Variants in TXLNG observed in about 807,000 individuals in gnomAD.
TXLNG encodes taxilin gamma, also known as gamma-taxilin.
In TXLNG, 5 loss-of-function variants were observed where a neutral mutation model predicts 38.8. The ratio of observed to expected loss-of-function variants is 0.13; its 90% CI spans 0.07 to 0.27. The LOEUF is 0.27. Among genes scored for constraint, TXLNG ranks in the 10% least tolerant of loss-of-function variants. TXLNG has a pLI of 1.00. For synonymous variants in TXLNG, 182 were observed against 158.2 expected (o/e 1.15, Z -1.13); for missense variants, 393 against 398.2 (o/e 0.99, Z 0.11).
At position 16,843,820 on chromosome X, in the gene TXLNG, T is replaced by C. The variant is rs951060322; in HGVS notation, c.*2054T>C. 1.8e-5 allele frequency: 2 copies of C among 111,833 alleles called. No individual in the cohort carries two copies. Among genetic ancestry groups the C allele is most frequent in the Non-Finnish European group, 3.8e-5 (2 of 53,221 alleles). 9.2% of individuals were successfully genotyped at this position (111,833 alleles called of 1,213,427 possible). The stretch of plus-strand genomic sequence containing the variant: ...TTTTAGCTAGATGCTATTATAGTGT[T>C]GAAAGGATATGGATTCTGTCTGGGA... On this transcript the variant is annotated 3_prime_UTR_variant, in exon 10 of 10. Transcript: ENST00000380122.
Position 16,806,788 on chromosome X carries a change from G to A in TXLNG, c.103-11786G>A, listed in dbSNP as rs183114335. The stretch of plus-strand genomic sequence containing the variant: ...AAAAATTAGCTGGATGTGGTGGTGC[G>A]CGCCTGTAGTCCCAGCTACTCGGGA... On this transcript the variant is annotated intron_variant, in intron 1 of 9. Transcript: ENST00000380122. Among the ~76,000 whole-genome samples the A allele has an allele frequency of 5.1e-3, 560 of 109,318 alleles. 24 individuals carry two copies. The Admixed American group carries it at 0.052, about 10-fold the overall frequency. The allele number at this position is 109,318 out of a possible 115,157, so 94.9% of individuals were successfully genotyped here. A position where few individuals can be genotyped will look rare whatever the true frequency, so the allele number is the denominator to read the frequency against.
At chrX:16,838,633 G>T (rs1474676448) in intron 8 of TXLNG, among the ~76,000 whole-genome samples, 2 of 112,175 alleles carry the variant, frequency 1.8e-5, no homozygotes, top group Non-Finnish European at 3.8e-5. Flanking sequence ...CCACCTCCAG[G>T]TATTTTTAGA....
chrX:16,818,995 G>A, intron 2 of TXLNG, 118 bp downstream of exon 2: 2 of 760,038 alleles, frequency 2.6e-6, no homozygotes, highest in Non-Finnish European at 3.7e-6. Flanking sequence ...CACCCCTAGT[G>A]TCTTCGGTGA....
intron 1 of TXLNG, among the ~76,000 whole-genome samples, chrX:16,803,769 T>C (rs1569263483): frequency 9.3e-6 from 1 of 108,048 alleles, no homozygotes; most frequent in South Asian, 4.1e-4. Context: ...CTGGCCAACA[T>C]AGTGAAACTC....
rs1413194339 is a variant in TXLNG, at chrX:16,842,744, A to G, written c.*978A>G. The G allele has an allele frequency of 8.9e-6, 1 of 112,020 alleles. No individual in the cohort carries two copies. The highest frequency in any genetic ancestry group is 1.9e-5 in the Non-Finnish European group (1 of 53,250). 9.2% of individuals were successfully genotyped at this position (112,020 alleles called of 1,213,427 possible). On this transcript the variant is annotated 3_prime_UTR_variant, in exon 10 of 10. Coordinates refer to ENST00000380122, the MANE Select transcript of TXLNG (RefSeq NM_018360.3). The stretch of plus-strand genomic sequence containing the variant: ...AGTACTCCAGGTTTTTCAAAAGGGA[A>G]TTTTCATTATGGATCAGTACCAACC...
chrX:16,838,791 A>T (rs956438887), intron 8 of TXLNG, among the ~76,000 whole-genome samples: 3 of 111,848 alleles, frequency 2.7e-5, no homozygotes, highest in Non-Finnish European at 3.8e-5. Context: ...TGGAACAGAG[A>T]GTTCCCGCCT....
intron 1 of TXLNG, among the ~76,000 whole-genome samples, chrX:16,810,226 A>G (rs762234184): frequency 6.2e-5 from 7 of 112,247 alleles, no homozygotes; most frequent in Non-Finnish European, 1.3e-4. Flanking sequence ...AGCTACTACT[A>G]CTATTATTTA....
chrX:16,823,627 T>C (rs1480789185), intron 3 of TXLNG, among the ~76,000 whole-genome samples: 1 of 111,314 alleles, frequency 9.0e-6, no homozygotes, highest in African/African-American at 3.3e-5. Context: ...CTTGTTGCAC[T>C]GACATGCATA....
chrX:16,839,327 G>A (rs1301350742), intron 8 of TXLNG: 1 of 111,870 alleles, frequency 8.9e-6, no homozygotes, highest in Non-Finnish European at 1.9e-5. Flanking sequence ...TGTTCTTGGA[G>A]GTTGTGGTGG....
At chrX:16,805,426 C>T (rs1360994694) in intron 1 of TXLNG, among the ~76,000 whole-genome samples, 2 of 88,443 alleles carry the variant, frequency 2.3e-5, no homozygotes, top group African/African-American at 7.9e-5. Context: ...ATAAAAAAAC[C>T]AAAACAACAA....
intron 5 of TXLNG, among the ~76,000 whole-genome samples, chrX:16,832,385 G>T (rs1238553441): frequency 1.8e-5 from 2 of 112,317 alleles, no homozygotes; most frequent in Non-Finnish European, 3.8e-5. Flanking sequence ...CAGGGTGGGG[G>T]AACAGGCAAC....
chrX:16,843,442 C>CA lies in TXLNG; in HGVS notation c.*1680dup, dbSNP rs1451336169. On this transcript the variant is annotated 3_prime_UTR_variant, in exon 10 of 10. Coordinates refer to ENST00000380122, the MANE Select transcript of TXLNG (RefSeq NM_018360.3). ...ACAAAGTAGATTATCTAATTACCAT[C>CA]AAAATGAGTCAGAAGCAAAAAACAC... The CA allele has an allele frequency of 9.0e-6, 1 of 111,598 alleles. No homozygotes were observed. The highest frequency in any genetic ancestry group is 3.3e-5 in the African/African-American group (1 of 30,632). 9.2% of individuals were successfully genotyped at this position (111,598 alleles called of 1,213,427 possible).
At chrX:16,797,243 C>T (rs1007364809) in intron 1 of TXLNG, among the ~76,000 whole-genome samples, 1 of 106,419 alleles carries the variant, frequency 9.4e-6, no homozygotes, top group Non-Finnish European at 1.9e-5. Context: ...GAGATCATAC[C>T]ATTACACTCC....
At chrX:16,817,003 A>G (rs1252629676) in intron 1 of TXLNG, among the ~76,000 whole-genome samples, 7 of 111,890 alleles carry the variant, frequency 6.3e-5, no homozygotes, top group Non-Finnish European at 1.3e-4. Flanking sequence ...TTCTAGCACC[A>G]TTTATTAGCT....
intron 1 of TXLNG, among the ~76,000 whole-genome samples, chrX:16,817,326 C>G (rs1053337645): frequency 8.9e-6 from 1 of 112,117 alleles, no homozygotes. Flanking sequence ...AAGAGTTTTT[C>G]AAAGTGTCCT....
chrX:16,829,230 GAGTA>G (rs1400239718), intron 4 of TXLNG, among the ~76,000 whole-genome samples: 1 of 111,788 alleles, frequency 8.9e-6, no homozygotes, highest in African/African-American at 3.3e-5. Flanking sequence ...GCCCTTTAGG[GAGTA>G]AGTGTGACCC....
At chrX:16,823,248 C>T (rs1178148601) in intron 3 of TXLNG, among the ~76,000 whole-genome samples, 5 of 109,385 alleles carry the variant, frequency 4.6e-5, no homozygotes, top group Non-Finnish European at 9.5e-5. Context: ...CACCTGAGGT[C>T]GGGAGTTCGA....
At position 16,842,655 on chromosome X, in the gene TXLNG, T is replaced by C. The variant is rs1929900014; in HGVS notation, c.*889T>C. 8.9e-6 allele frequency: 1 copy of C among 112,659 alleles called. No homozygotes were observed. The highest frequency in any genetic ancestry group is 9.4e-5 in the Admixed American group (1 of 10,641). The allele number at this position is 112,659 out of a possible 1,213,427, so 9.3% of individuals were successfully genotyped here. A position where few individuals can be genotyped will look rare whatever the true frequency, so the allele number is the denominator to read the frequency against. On this transcript the variant is annotated 3_prime_UTR_variant, in exon 10 of 10. Transcript: ENST00000380122. ...CGGTCAATTCACGTGTCACTTTCACTAGGCAGAAGTTTCTCCAATACCTTC... is the reference window on the plus strand; with the variant it reads ...CGGTCAATTCACGTGTCACTTTCACCAGGCAGAAGTTTCTCCAATACCTTC...
intron 9 of TXLNG, chrX:16,840,533 G>A: frequency 3.2e-6 from 2 of 627,705 alleles, no homozygotes; most frequent in Non-Finnish European, 3.8e-6. Context: ...CAGCACTTTG[G>A]GAGGCCGACG....
Sources: gnomAD v4.1 joint callset for allele counts (sites outside exome capture counted in the v4.1 genomes callset) on GRCh38, gnomAD v4.1.1 for gene constraint, MANE v1.5 for transcripts, NCBI Gene and HGNC (gene_info 2026-07-23, HGNC 2026-07-21) for gene names.